SLC25A48: variants seen among roughly 807,000 people sequenced by gnomAD.
SLC25A48 encodes solute carrier family 25 member 48.
SLC25A48 carries 29 observed loss-of-function variants against 32.2 expected under a neutral mutation model. The ratio of observed to expected loss-of-function variants is 0.90; its 90% CI spans 0.67 to 1.23. The LOEUF (loss-of-function observed/expected upper bound fraction) is 1.23. Ranked by LOEUF, SLC25A48 falls within the 50% of genes most tolerant of loss-of-function variation. The pLI is 0.00. For synonymous variants in SLC25A48, 164 were observed against 172.3 expected (o/e 0.95, Z 0.38); for missense variants, 399 against 422.7 (o/e 0.94, Z 0.49).
chr5:135,836,600 G>A (rs1439955089), intron 1 of SLC25A48, among the ~76,000 whole-genome samples: 1 of 152,100 alleles, frequency 6.6e-6, no homozygotes, highest in Non-Finnish European at 1.5e-5. Context: ...CCCCCAGTAA[G>A]ATCCCTCATT....
intron 3 of SLC25A48, among the ~76,000 whole-genome samples, chr5:135,797,098 G>A (rs376713113): frequency 4.0e-5 from 6 of 151,850 alleles, no homozygotes; most frequent in African/African-American, 1.4e-4. Context: ...CGAAGGGGAA[G>A]GATATTACTT....
intron 1 of SLC25A48, among the ~76,000 whole-genome samples, chr5:135,841,057 T>C (rs1442385554): frequency 6.6e-6 from 1 of 152,260 alleles, no homozygotes; most frequent in Non-Finnish European, 1.5e-5. Context: ...AGTTCCAATT[T>C]CTCTACATCC....
chr5:135,633,125 G>A (rs976105533), intron 2 of SLC25A48, among the ~76,000 whole-genome samples: 3 of 152,146 alleles, frequency 2.0e-5, no homozygotes, highest in African/African-American at 7.2e-5. Flanking sequence ...TGTACAAGGG[G>A]AAGATGACAG....
At chr5:135,819,589 G>A (rs1417650602) in intron 4 of SLC25A48, among the ~76,000 whole-genome samples, 2 of 152,176 alleles carry the variant, frequency 1.3e-5, no homozygotes, top group Non-Finnish European at 1.5e-5. Context: ...GTCTGTGGAT[G>A]GGAATGGAGG....
intron 3 of SLC25A48, among the ~76,000 whole-genome samples, chr5:135,668,684 C>T (rs995722433): frequency 4.6e-5 from 7 of 152,168 alleles, no homozygotes; most frequent in African/African-American, 1.4e-4. Flanking sequence ...CAGCTGCCAC[C>T]TTTGACCTAT....
At chr5:135,886,644 A>ATGTG (rs1762736553) in intron 7 of SLC25A48, among the ~76,000 whole-genome samples, 4 of 27,196 alleles carry the variant, frequency 1.5e-4, no homozygotes, top group Admixed American at 6.8e-4. Flanking sequence ...TATAAAATAT[A>ATGTG]TATATGTGTG....
chr5:135,685,883 T>C (rs1754011521), intron 3 of SLC25A48, among the ~76,000 whole-genome samples: 1 of 152,240 alleles, frequency 6.6e-6, no homozygotes, highest in South Asian at 2.1e-4. Flanking sequence ...GCCCAGCAAG[T>C]CCTGCAGATT....
chr5:135,730,192 C>A (rs1201370999), intron 3 of SLC25A48, among the ~76,000 whole-genome samples: 2 of 152,196 alleles, frequency 1.3e-5, no homozygotes, highest in Non-Finnish European at 2.9e-5. Context: ...TAACAAACCT[C>A]TGCTGTTACT....
At chr5:135,657,959 A>G (rs1471405977) in intron 3 of SLC25A48, among the ~76,000 whole-genome samples, 1 of 152,150 alleles carries the variant, frequency 6.6e-6, no homozygotes, top group Non-Finnish European at 1.5e-5. Context: ...CTCCCCCAAC[A>G]TTGGGAATTA....
chr5:135,738,394 G>T (rs1159312320), intron 3 of SLC25A48, among the ~76,000 whole-genome samples: 1 of 152,180 alleles, frequency 6.6e-6, no homozygotes, highest in Non-Finnish European at 1.5e-5. Context: ...GGAATGGCCT[G>T]AATTCCTCCA....
intron 1 of SLC25A48, among the ~76,000 whole-genome samples, chr5:135,610,118 T>C (rs887700473): frequency 4.6e-5 from 7 of 152,192 alleles, no homozygotes; most frequent in Non-Finnish European, 8.8e-5. Context: ...GGTCTGGAAC[T>C]GAGCAGTGCC....
chr5:135,721,671 C>G (rs970840080), intron 3 of SLC25A48, among the ~76,000 whole-genome samples: 1 of 150,578 alleles, frequency 6.6e-6, no homozygotes, highest in Non-Finnish European at 1.5e-5. Context: ...CAAAAGCAAG[C>G]GTAAGAGCTG....
intron 3 of SLC25A48, among the ~76,000 whole-genome samples, chr5:135,667,952 G>A (rs1753562960): frequency 1.3e-5 from 2 of 152,174 alleles, no homozygotes; most frequent in Admixed American, 1.3e-4. Flanking sequence ...AAGTGCATGG[G>A]CTTTGTGACT....
At chr5:135,701,464 A>G (rs1754394763) in intron 3 of SLC25A48, among the ~76,000 whole-genome samples, 1 of 152,098 alleles carries the variant, frequency 6.6e-6, no homozygotes, top group African/African-American at 2.4e-5. Flanking sequence ...TGAGGAACAT[A>G]ACTCCCCCCC....
At chr5:135,834,270 G>A (rs374071152), upstream of SLC25A48, among the ~76,000 whole-genome samples, 1 of 152,208 alleles carries the variant, frequency 6.6e-6, no homozygotes, top group Admixed American at 6.5e-5. Context: ...GTAGCTGAAA[G>A]TTAGACATGA....
intron 4 of SLC25A48, among the ~76,000 whole-genome samples, chr5:135,869,980 C>A (rs917228913): frequency 9.9e-5 from 15 of 152,200 alleles, no homozygotes; most frequent in African/African-American, 3.6e-4. Context: ...GCAGAAACCA[C>A]CCCCTCAACC....
In SLC25A48 at chr5:135,834,720, A is replaced by G; in HGVS notation, c.-128A>G. 1 of 1,017,032 alleles carries G rather than the reference A, an allele frequency of 9.8e-7. No individual in the cohort carries two copies. The highest frequency in any genetic ancestry group is 1.4e-6 in the Non-Finnish European group (1 of 705,830). 63.0% of individuals were successfully genotyped at this position (1,017,032 alleles called of 1,614,324 possible). A position where few individuals can be genotyped will look rare whatever the true frequency, so the allele number is the denominator to read the frequency against. ...CCGGTGACTGGGGGACTGGGTTTGG[A>G]GTAGGACCTGCGGCGTGCTCGAGAC... On this transcript the variant is annotated 5_prime_UTR_variant, in exon 1 of 8. Transcript: ENST00000681962.
rs58632457 is a variant in SLC25A48 at position 135,818,054 on chromosome 5, CCTCT to C, written c.-117+5190_-117+5193del. Among the ~76,000 whole-genome samples the C allele has an allele frequency of 3.6e-3, 287 of 80,586 alleles. 8 individuals carry two copies. The highest frequency in any genetic ancestry group is 5.2e-3 in the Admixed American group (33 of 6,362). 52.9% of individuals were successfully genotyped at this position (80,586 alleles called of 152,430 possible). The stretch of plus-strand genomic sequence containing the variant: ...GTTTCCCAGGTTTGTTCTCTCTGTT[CCTCT>C]CTCTCTCTCTCTCTCTCTCTCTCTC... On this transcript the variant is annotated intron_variant, in intron 4 of 10. Coordinates refer to the SLC25A48 transcript ENST00000646290.
rs188183351 is a variant in SLC25A48, at chr5:135,761,836, C to A, written c.-520-50687C>A. Among the ~76,000 whole-genome samples the A allele has an allele frequency of 8.5e-5, 13 of 152,274 alleles. No individual in the cohort carries two copies. In the East Asian group the frequency reaches 2.5e-3, roughly 29 times the overall value. ...CCCAGGAGCAGGATTCCAGATCCTG[C>A]GCCCCCCACTTGGCCTCCCACACTT... On this transcript the variant is annotated intron_variant, in intron 3 of 10. Transcript: ENST00000646290.
Sources: allele counts gnomAD v4.1 joint callset (sites outside exome capture counted in the v4.1 genomes callset), GRCh38; gene constraint gnomAD v4.1.1; transcripts MANE v1.5; gene names NCBI Gene and HGNC (gene_info 2026-07-23, HGNC 2026-07-21).